The following ASCC3 variants were observed in gnomAD, a reference collection of about 807,000 sequenced individuals.
ASCC3 encodes the protein activating signal cointegrator 1 complex subunit 3, also known as ASC-1 complex subunit P200.
A neutral mutation model predicts 256.3 loss-of-function variants in ASCC3; 158 were observed. That is an observed-to-expected ratio of 0.62 (90% CI 0.54 to 0.70). The LOEUF (loss-of-function observed/expected upper bound fraction) is 0.70. Ranked by LOEUF, ASCC3 falls within the 30% of genes least tolerant of loss-of-function variation. The pLI is 0.00. For missense variants in ASCC3, 2,259 were observed against 2,626.0 expected (o/e 0.86, Z 3.05); for synonymous variants, 948 against 883.4 (o/e 1.07, Z -1.30).
At position 100,543,767 on chromosome 6, in the gene ASCC3, G is replaced by C. The variant is rs1582420149; in HGVS notation, c.5551-3380C>G. On this transcript the variant is annotated intron_variant, in intron 36 of 41. Coordinates refer to ENST00000369162, the MANE Select transcript of ASCC3 (RefSeq NM_006828.4). Reference sequence around the variant, plus strand: ...AAAAAAAATCAGAAGTATTGCTGAAGATTTCAATACCTATCTTTTAATAAT... The same window carrying C: ...AAAAAAAATCAGAAGTATTGCTGAACATTTCAATACCTATCTTTTAATAAT... 3.3e-5 allele frequency among the ~76,000 whole-genome samples: 5 copies of C among 152,134 alleles called. No individual in the cohort carries two copies. The South Asian group carries it at 8.3e-4, about 25-fold the overall frequency.
chr6:100,651,273 A>C (rs1260131285), intron 19 of ASCC3, among the ~76,000 whole-genome samples: 1 of 151,904 alleles, frequency 6.6e-6, no homozygotes, highest in African/African-American at 2.4e-5. Flanking sequence ...TTCTTCAATG[A>C]GCCTTATATT....
chr6:100,671,625 A>G (rs1405753778), intron 14 of ASCC3, among the ~76,000 whole-genome samples: 2 of 152,038 alleles, frequency 1.3e-5, no homozygotes, highest in Non-Finnish European at 2.9e-5. Context: ...TAGTCAGTAA[A>G]ACTCAAACGG....
In ASCC3 at chr6:100,752,256, T is replaced by A. The variant is rs148609111; in HGVS notation, c.1737+14309A>T. On this transcript the variant is annotated intron_variant, in intron 10 of 41. Transcript: ENST00000369162. ...TTATATTATCTTGCTGGTTTGTGTT[T>A]ATTTTTTTAAACATCTCCATGTAAA... 3.9e-4 allele frequency among the ~76,000 whole-genome samples: 59 copies of A among 152,252 alleles called. 1 individual carries two copies. Among genetic ancestry groups the A allele is most frequent in the African/African-American group, 1.4e-3 (58 of 41,552 alleles).
intron 23 of ASCC3, among the ~76,000 whole-genome samples, chr6:100,643,631 T>C (rs1011599135): frequency 6.6e-6 from 1 of 152,174 alleles, no homozygotes; most frequent in Middle Eastern, 3.2e-3. Context: ...ATACAGCATG[T>C]TACCATACAG....
intron 3 of ASCC3, chr6:100,858,975 G>A: frequency 1.5e-6 from 1 of 663,412 alleles, no homozygotes; most frequent in South Asian, 1.7e-5. Context: ...ATGACATTAT[G>A]ACATTCTCCA....
intron 12 of ASCC3, among the ~76,000 whole-genome samples, chr6:100,717,052 C>A (rs890090230): frequency 2.6e-5 from 4 of 151,738 alleles, no homozygotes; most frequent in Non-Finnish European, 4.4e-5. Flanking sequence ...GCACTTGAAA[C>A]AATTATGAAG....
At chr6:100,517,892 C>A (rs1037297395) in intron 38 of ASCC3, 99 bp downstream of exon 38, 11 of 1,283,200 alleles carry the variant, frequency 8.6e-6, no homozygotes, top group Non-Finnish European at 1.1e-5. Flanking sequence ...TGTCAATAAT[C>A]AGTATTCTCC....
intron 36 of ASCC3, among the ~76,000 whole-genome samples, chr6:100,582,755 T>C (rs145634441): frequency 0.47 from 71,470 of 151,476 alleles, 17,114 homozygotes; most frequent in South Asian, 0.62. Context: ...TTTTGAGATA[T>C]GCCCCATCAA....
At chr6:100,829,230 G>C (rs1771492824) in intron 4 of ASCC3, among the ~76,000 whole-genome samples, 1 of 152,160 alleles carries the variant, frequency 6.6e-6, no homozygotes, top group Admixed American at 6.5e-5. Flanking sequence ...CCGTGCACCT[G>C]CACTCCTCAG....
At chr6:100,781,881 C>A (rs1490082103) in intron 8 of ASCC3, among the ~76,000 whole-genome samples, 1 of 151,800 alleles carries the variant, frequency 6.6e-6, no homozygotes, top group Non-Finnish European at 1.5e-5. Flanking sequence ...TTCTACTTAT[C>A]CCTAAGAAAC....
intron 10 of ASCC3, among the ~76,000 whole-genome samples, chr6:100,735,305 C>G (rs552978761): frequency 6.6e-6 from 1 of 152,248 alleles, no homozygotes; most frequent in Admixed American, 6.5e-5. Context: ...AATGATTTTA[C>G]AACACTATTT....
intron 4 of ASCC3, among the ~76,000 whole-genome samples, chr6:100,839,667 G>T (rs1008703008): frequency 1.4e-4 from 22 of 152,254 alleles, no homozygotes; most frequent in African/African-American, 4.3e-4. Flanking sequence ...GCCAAAAGAG[G>T]TTGGTATATT....
intron 30 of ASCC3, among the ~76,000 whole-genome samples, chr6:100,614,083 G>C (rs933985108): frequency 2.0e-5 from 3 of 152,124 alleles, no homozygotes; most frequent in Non-Finnish European, 4.4e-5. Context: ...TTGGCACGCT[G>C]TTGGTAGGAA....
At chr6:100,566,477 T>C (rs1770257018) in intron 36 of ASCC3, among the ~76,000 whole-genome samples, 1 of 152,138 alleles carries the variant, frequency 6.6e-6, no homozygotes, top group Non-Finnish European at 1.5e-5. Context: ...ACCTCCTCAG[T>C]TTCAGCTGAT....
intron 37 of ASCC3, among the ~76,000 whole-genome samples, chr6:100,529,932 T>C (rs553634434): frequency 6.6e-6 from 1 of 151,828 alleles, no homozygotes; most frequent in South Asian, 2.1e-4. Flanking sequence ...CAATAAATGT[T>C]CACCATTACC....
intron 14 of ASCC3, among the ~76,000 whole-genome samples, chr6:100,667,309 G>A (rs573624797): frequency 6.6e-6 from 1 of 152,110 alleles, no homozygotes. Flanking sequence ...TACCTAAGCT[G>A]GGAATTATTA....
In ASCC3 at chr6:100,652,799, G is replaced by C; in HGVS notation, c.2914C>G (p.Arg972Gly). ...DKAQMIRFEE[R>G]TGYFSSTDLG... ...TCAGTTGAGGAAAAATATCCAGTTC[G>C]CTCCTCAAAACGAATCATCTGAGCT... The change falls in exon 18 of 42, where the codon CGA (arginine) becomes GGA (glycine). Residue 972 changes from arginine (R) to glycine (G), a missense_variant. Around this residue, in one of 2 missense-constraint regions of ASCC3, gnomAD observed 1,839 missense variants for 2,206.7 expected, o/e 0.83. Coordinates refer to ENST00000369162, the MANE Select transcript of ASCC3 (RefSeq NM_006828.4). 1 of 1,613,770 alleles carries C rather than the reference G, an allele frequency of 6.2e-7. No homozygotes were observed. Among genetic ancestry groups the C allele is most frequent in the Non-Finnish European group, 8.5e-7 (1 of 1,179,888 alleles).
At chr6:100,725,963 A>C (rs111562649) in intron 10 of ASCC3, among the ~76,000 whole-genome samples, 2 of 129,972 alleles carry the variant, frequency 1.5e-5, no homozygotes, top group Non-Finnish European at 3.0e-5. Context: ...CAAAATACAC[A>C]TGTTTTTTTA....
At chr6:100,546,836 G>A (rs979594379) in intron 36 of ASCC3, among the ~76,000 whole-genome samples, 1 of 151,862 alleles carries the variant, frequency 6.6e-6, no homozygotes, top group Non-Finnish European at 1.5e-5. Context: ...CCTGATTTCT[G>A]TCCCCTATTT....
Sources: gnomAD v4.1 joint callset for allele counts (sites outside exome capture counted in the v4.1 genomes callset) on GRCh38, gnomAD v4.1.1 for gene constraint, gnomAD v4.1.1 regional missense constraint, MANE v1.5 for transcripts, NCBI Gene and HGNC (gene_info 2026-07-23, HGNC 2026-07-21) for gene names.